The following JAZF1 variants were observed in gnomAD, a reference collection of about 807,000 sequenced individuals.
The protein encoded by JAZF1 is juxtaposed with another zinc finger protein 1.
JAZF1 carries 8 observed loss-of-function variants against 26.4 expected under a neutral mutation model. The observed-to-expected ratio is 0.30, with a 90% CI of 0.18 to 0.55. JAZF1 has a LOEUF of 0.55. Among genes scored for constraint, JAZF1 ranks in the 20% least tolerant of loss-of-function variants. The pLI, the probability that JAZF1 is intolerant of heterozygous loss-of-function variation, is 0.94. For synonymous variants in JAZF1, 126 were observed against 122.3 expected (o/e 1.03, Z -0.20); for missense variants, 199 against 322.0 (o/e 0.62, Z 2.92).
At chr7:27,855,714 G>GT (rs1783237440) in intron 3 of JAZF1, among the ~76,000 whole-genome samples, 1 of 152,296 alleles carries the variant, frequency 6.6e-6, no homozygotes, top group African/African-American at 2.4e-5. Context: ...AATTGAGAGA[G>GT]TAATTAATAG....
intron 2 of JAZF1, among the ~76,000 whole-genome samples, chr7:27,952,593 A>G (rs888001566): frequency 3.9e-5 from 6 of 152,232 alleles, no homozygotes; most frequent in Non-Finnish European, 8.8e-5. Context: ...GCCTTCCCAA[A>G]GTGGCTGAGC....
chr7:27,877,641 T>C (rs1348083136), intron 3 of JAZF1, among the ~76,000 whole-genome samples: 1 of 152,188 alleles, frequency 6.6e-6, no homozygotes, highest in Non-Finnish European at 1.5e-5. Context: ...TGTCAGCCTG[T>C]GCTCCCGAGT....
chr7:28,092,531 T>C (rs1784320017), intron 1 of JAZF1, among the ~76,000 whole-genome samples: 1 of 151,948 alleles, frequency 6.6e-6, no homozygotes, highest in African/African-American at 2.4e-5. Flanking sequence ...CTGCTTAAAC[T>C]ACTTCATAGA....
chr7:28,157,673 A>G (rs1468694579), intron 1 of JAZF1, among the ~76,000 whole-genome samples: 4 of 152,140 alleles, frequency 2.6e-5, no homozygotes, highest in Non-Finnish European at 5.9e-5. Flanking sequence ...GAGACATACT[A>G]TCCACCCTGA....
At chr7:27,905,077 G>A (rs1463364720) in intron 2 of JAZF1, among the ~76,000 whole-genome samples, 1 of 152,062 alleles carries the variant, frequency 6.6e-6, no homozygotes, top group Non-Finnish European at 1.5e-5. Flanking sequence ...GGGACTACAG[G>A]GATGCACTTC....
chr7:28,175,457 T>C (rs1783535283), intron 1 of JAZF1, among the ~76,000 whole-genome samples: 1 of 152,208 alleles, frequency 6.6e-6, no homozygotes, highest in Admixed American at 6.5e-5. Flanking sequence ...TTATTGTAGA[T>C]AAACACTTCA....
At chr7:27,854,427 A>AT (rs1783206737) in intron 3 of JAZF1, among the ~76,000 whole-genome samples, 1 of 152,140 alleles carries the variant, frequency 6.6e-6, no homozygotes, top group Non-Finnish European at 1.5e-5. Context: ...ATAGCTGGTT[A>AT]TTTTGCTTGT....
At chr7:28,136,724 G>A (rs1176724260) in intron 1 of JAZF1, among the ~76,000 whole-genome samples, 1 of 152,190 alleles carries the variant, frequency 6.6e-6, no homozygotes, top group Non-Finnish European at 1.5e-5. Flanking sequence ...ACAGGAGGAG[G>A]AGGAATTAAA....
intron 1 of JAZF1, among the ~76,000 whole-genome samples, chr7:28,046,978 G>A (rs990256253): frequency 5.9e-5 from 9 of 152,030 alleles, no homozygotes; most frequent in Admixed American, 1.3e-4. Flanking sequence ...AATTGAATTT[G>A]TTAAACATTT....
At chr7:27,915,922 T>C (rs1034840351) in intron 2 of JAZF1, among the ~76,000 whole-genome samples, 1 of 152,204 alleles carries the variant, frequency 6.6e-6, no homozygotes, top group African/African-American at 2.4e-5. Flanking sequence ...GAAGATTTGA[T>C]TCTGAAAAAT....
intron 1 of JAZF1, among the ~76,000 whole-genome samples, chr7:28,092,341 G>A (rs116632027): frequency 0.03 from 1,714 of 56,662 alleles, 44 homozygotes; most frequent in African/African-American, 0.099. Context: ...TAATGTCAAA[G>A]TAGAGGAAGA....
chr7:28,039,056 G>A (rs1783344545), intron 1 of JAZF1, among the ~76,000 whole-genome samples: 1 of 152,136 alleles, frequency 6.6e-6, no homozygotes, highest in African/African-American at 2.4e-5. Flanking sequence ...TTAATAAAGA[G>A]TGGCAAATTA....
At chr7:28,130,868 T>C (rs1254175043) in intron 1 of JAZF1, among the ~76,000 whole-genome samples, 1 of 152,218 alleles carries the variant, frequency 6.6e-6, no homozygotes, top group Non-Finnish European at 1.5e-5. Context: ...GTATGTGTGT[T>C]GGGCCAAAGA....
chr7:27,877,915 C>T (rs955039169), intron 3 of JAZF1, among the ~76,000 whole-genome samples: 31 of 152,120 alleles, frequency 2.0e-4, no homozygotes, highest in Non-Finnish European at 1.2e-4. Flanking sequence ...GTGCTTCACA[C>T]CTAAGATGGA....
intron 2 of JAZF1, among the ~76,000 whole-genome samples, chr7:27,977,343 A>T (rs1484301218): frequency 6.6e-6 from 1 of 152,062 alleles, no homozygotes; most frequent in Non-Finnish European, 1.5e-5. Context: ...GTTTCCCAAG[A>T]CCCTTTAACT....
chr7:28,149,835 C>T (rs888374605), intron 1 of JAZF1, among the ~76,000 whole-genome samples: 2 of 152,334 alleles, frequency 1.3e-5, no homozygotes, highest in East Asian at 1.9e-4. Flanking sequence ...GTCTTCCCTA[C>T]GTTTTCTTCC....
At chr7:28,066,410 T>C (rs761410759) in intron 1 of JAZF1, among the ~76,000 whole-genome samples, 2 of 151,848 alleles carry the variant, frequency 1.3e-5, no homozygotes, top group Non-Finnish European at 2.9e-5. Flanking sequence ...GAGACCAGCC[T>C]GGCCAGCATG....
intron 1 of JAZF1, among the ~76,000 whole-genome samples, chr7:28,126,221 T>C (rs991245049): frequency 6.6e-6 from 1 of 152,208 alleles, no homozygotes; most frequent in Admixed American, 6.5e-5. Context: ...ACTTTCACTC[T>C]CATGCAACAA....
At chr7:28,147,665 C>G (rs10263857) in intron 1 of JAZF1, among the ~76,000 whole-genome samples, 29,058 of 149,452 alleles carry the variant, frequency 0.19, 3,715 homozygotes, top group African/African-American at 0.34. Context: ...CTGGGCAACA[C>G]GGCAAAACCC....
Sources: gnomAD v4.1 joint callset for allele counts (sites outside exome capture counted in the v4.1 genomes callset) on GRCh38, gnomAD v4.1.1 for gene constraint, MANE v1.5 for transcripts, NCBI Gene and HGNC (gene_info 2026-07-23, HGNC 2026-07-21) for gene names.